The following FANCL variants were observed in gnomAD, a reference collection of about 807,000 sequenced individuals.
FANCL encodes FA complementation group L, also known as E3 ubiquitin-protein ligase FANCL.
A neutral mutation model predicts 59.4 loss-of-function variants in FANCL; 69 were observed. That is an observed-to-expected ratio of 1.16 (90% CI 0.96 to 1.42). The LOEUF is 1.42. FANCL is among the 40% of genes most tolerant of loss of function. The pLI is 0.00. For missense variants in FANCL, 519 were observed against 447.2 expected, an observed-to-expected ratio of 1.16 and a Z score of -1.45; for synonymous variants, 180 against 147.1, an observed-to-expected ratio of 1.22 and a Z score of -1.62.
intron 7 of FANCL, among the ~76,000 whole-genome samples, chr2:58,166,891 T>G (rs572216474): frequency 6.6e-6 from 1 of 152,334 alleles, no homozygotes; most frequent in African/African-American, 2.4e-5. Flanking sequence ...TGTGCTGGAT[T>G]CAACTGTTCT....
chr2:58,175,517 G>C (rs1414492978), intron 7 of FANCL, among the ~76,000 whole-genome samples: 14 of 152,038 alleles, frequency 9.2e-5, no homozygotes, highest in Non-Finnish European at 1.8e-4. Flanking sequence ...CACATAAACA[G>C]AACCAAAGAC....
intron 1 of FANCL, among the ~76,000 whole-genome samples, chr2:58,237,412 T>C (rs1000389080): frequency 7.2e-5 from 11 of 151,986 alleles, no homozygotes; most frequent in Non-Finnish European, 1.2e-4. Context: ...TGGAACTGAA[T>C]AAAAACAAAA....
At chr2:58,166,068 A>C (rs1685921995) in intron 7 of FANCL, among the ~76,000 whole-genome samples, 194 bp from the exon 8 acceptor site, 1 of 152,116 alleles carries the variant, frequency 6.6e-6, no homozygotes, top group South Asian at 2.1e-4. Context: ...TTTTTTATTG[A>C]CAGTAGACTA....
rs1267714128 is a variant in FANCL at position 58,204,192 on chromosome 2, T to C, written c.409A>G (p.Lys137Glu). Residue 137 changes from lysine (K) to glutamate (E), a missense_variant, in exon 6 of 14, where the codon AAG becomes GAG. Physicochemically the swap from Lys to Glu is moderately conservative, Grantham distance 56. Transcript: ENST00000233741. Reference sequence around the variant, plus strand: ...CCAGAAGCATCTTCTGCTTTTAACTTGATGGTACTGAAGCAGGTATCCGCA... The same window carrying C: ...CCAGAAGCATCTTCTGCTTTTAACTCGATGGTACTGAAGCAGGTATCCGCA... ...VYADTCFSTI[K>E]LKAEDASGRE... is the part of the protein sequence containing the mutation. The C allele has an allele frequency of 1.2e-6, 2 of 1,613,158 alleles. No homozygotes were observed.
At chr2:58,175,469 G>A (rs1212488768) in intron 7 of FANCL, among the ~76,000 whole-genome samples, 3 of 151,666 alleles carry the variant, frequency 2.0e-5, no homozygotes, top group South Asian at 4.1e-4. Flanking sequence ...GGGATGCAAG[G>A]CTGGTTCAAT....
chr2:58,241,280 A>C lies in FANCL; in HGVS notation c.34T>G (p.Cys12Gly). The C allele has an allele frequency of 6.2e-7, 1 of 1,614,256 alleles. No individual in the cohort carries two copies. ...AVTEASLLRQ[C>G]PLLLPQNRSK... Reference sequence around the variant, plus strand: ...CGGTTCTGGGGCAGAAGCAGGGGGCACTGGCGCAACAGGCTCGCTTCCGTC... The same window carrying C: ...CGGTTCTGGGGCAGAAGCAGGGGGCCCTGGCGCAACAGGCTCGCTTCCGTC... The change falls in exon 1 of 14, where the codon TGC becomes GGC. Residue 12 changes from cysteine (C) to glycine (G), a missense_variant. Cys to Gly is a radical substitution (Grantham distance 159). Coordinates refer to ENST00000233741, the MANE Select transcript of FANCL (RefSeq NM_018062.4).
At chr2:58,194,196 C>T in intron 7 of FANCL, 1 of 470,948 alleles carries the variant, frequency 2.1e-6, no homozygotes, top group Non-Finnish European at 4.4e-6. Context: ...GGCAAGAATA[C>T]TTCACCAAGC....
intron 6 of FANCL, among the ~76,000 whole-genome samples, chr2:58,202,534 T>G: frequency 6.6e-6 from 1 of 151,838 alleles, no homozygotes; most frequent in African/African-American, 2.4e-5. Flanking sequence ...TTTTTTTCTT[T>G]TTTTGCCAAA....
At chr2:58,189,881 T>C (rs1024013747) in intron 7 of FANCL, among the ~76,000 whole-genome samples, 1 of 152,082 alleles carries the variant, frequency 6.6e-6, no homozygotes, top group African/African-American at 2.4e-5. Context: ...TTCTGATCTT[T>C]TTTATTCTTC....
At position 58,232,047 on chromosome 2, in the gene FANCL, A is replaced by G. The variant is rs200849840; in HGVS notation, c.155+7T>C. The G allele has an allele frequency of 2.6e-5, 42 of 1,612,542 alleles. No homozygotes were observed. The East Asian group carries it at 7.1e-4, about 27-fold the overall frequency. ...AAATGCACGTTTATAACTAAACACC[A>G]TATCACCTTGCATTCTTCAGTTGTA... On this transcript the variant is annotated splice_region_variant and intron_variant, in intron 2 of 13. Coordinates refer to ENST00000233741, the MANE Select transcript of FANCL (RefSeq NM_018062.4).
At position 58,161,568 on chromosome 2, in the gene FANCL, T is replaced by C. The variant is rs1685175722; in HGVS notation, c.974A>G (p.Asp325Gly). ...LDGTIPDQVC[D>G]NSQCGQPFHQ... is the part of the protein sequence containing the mutation. ...GAAAGGTTGTCCACACTGAGAATTA[T>C]CACACACTTGATCAGGAATGGTACC... Residue 325 changes from aspartate (D) to glycine (G), a missense_variant, in exon 12 of 14, where the codon GAT becomes GGT. Coordinates refer to ENST00000233741, the MANE Select transcript of FANCL (RefSeq NM_018062.4). 1 of 1,611,508 alleles carries C rather than the reference T, an allele frequency of 6.2e-7. No homozygotes were observed.
chr2:58,241,362 T>C (rs1311914755), upstream of FANCL: 3 of 1,575,236 alleles, frequency 1.9e-6, 1 homozygote, highest in South Asian at 2.2e-5. Flanking sequence ...TGCTGGGTCC[T>C]GCACATGCGC....
intron 1 of FANCL, among the ~76,000 whole-genome samples, chr2:58,237,197 C>T (rs1694102882): frequency 6.6e-6 from 1 of 152,060 alleles, no homozygotes; most frequent in African/African-American, 2.4e-5. Context: ...ACAGTATATT[C>T]ACCAGGATAG....
intron 7 of FANCL, among the ~76,000 whole-genome samples, chr2:58,196,360 T>C (rs1689424190): frequency 6.6e-6 from 1 of 152,030 alleles, no homozygotes; most frequent in South Asian, 2.1e-4. Flanking sequence ...AATATTAACA[T>C]TTGTCAAATC....
chr2:58,233,363 C>T (rs901903627), intron 1 of FANCL, among the ~76,000 whole-genome samples: 2 of 151,994 alleles, frequency 1.3e-5, no homozygotes, highest in Non-Finnish European at 2.9e-5. Context: ...CGATACTTTC[C>T]TGATTCAAGA....
chr2:58,182,683 C>T (rs926417779), intron 7 of FANCL, among the ~76,000 whole-genome samples: 2 of 151,722 alleles, frequency 1.3e-5, no homozygotes, highest in African/African-American at 2.4e-5. Flanking sequence ...ATGCAATCCT[C>T]ACTTACATCA....
intron 4 of FANCL, among the ~76,000 whole-genome samples, chr2:58,222,691 C>T (rs1046609105): frequency 6.6e-6 from 1 of 151,966 alleles, no homozygotes; most frequent in Non-Finnish European, 1.5e-5. Context: ...TTACAAGACA[C>T]ATAAACATCA....
chr2:58,181,836 G>A (rs1687971125), intron 7 of FANCL, among the ~76,000 whole-genome samples: 1 of 151,804 alleles, frequency 6.6e-6, no homozygotes, highest in Admixed American at 6.6e-5. Context: ...TGAGTTATTT[G>A]TTATAACTGA....
chr2:58,220,093 C>T (rs1281283585), intron 5 of FANCL, among the ~76,000 whole-genome samples: 1 of 152,120 alleles, frequency 6.6e-6, no homozygotes, highest in Non-Finnish European at 1.5e-5. Context: ...TTAAGCAGTC[C>T]ATCTGCAGTG....
Sources: allele counts gnomAD v4.1 joint callset (sites outside exome capture counted in the v4.1 genomes callset), GRCh38; gene constraint gnomAD v4.1.1; transcripts MANE v1.5; gene names NCBI Gene and HGNC (gene_info 2026-07-23, HGNC 2026-07-21).